BRAF: variants seen among roughly 807,000 people sequenced by gnomAD.
The protein encoded by BRAF is serine/threonine-protein kinase B-raf.
A neutral mutation model predicts 104.6 loss-of-function variants in BRAF; 16 were observed. That is an observed-to-expected ratio of 0.15 (90% CI 0.10 to 0.23). The LOEUF (loss-of-function observed/expected upper bound fraction) is 0.23. Among genes scored for constraint, BRAF ranks in the 10% least tolerant of loss-of-function variants. The pLI is 1.00. For synonymous variants in BRAF, 310 were observed against 341.6 expected, an observed-to-expected ratio of 0.91 and a Z score of 1.02; for missense variants, 541 against 937.3, an observed-to-expected ratio of 0.58 and a Z score of 5.52.
At chr7:140,866,983 A>T (rs1811035920) in intron 1 of BRAF, among the ~76,000 whole-genome samples, 1 of 152,190 alleles carries the variant, frequency 6.6e-6, no homozygotes, top group Non-Finnish European at 1.5e-5. Flanking sequence ...CCTTTGAAAA[A>T]ATAGTTTTCA....
rs1795295104 is a variant in BRAF at position 140,720,986 on chromosome 7, A to G, written c.*5508T>C. On this transcript the variant is annotated 3_prime_UTR_variant, in exon 20 of 20. Coordinates refer to ENST00000644969, the MANE Select transcript of BRAF (RefSeq NM_001374258.1). ...AGAATGAACTCGGCTGGCCGGGAGA[A>G]GCAGATGGTTTGTACAAACATTTTT... 1 of 1,064,344 alleles carries G rather than the reference A, an allele frequency of 9.4e-7. No individual in the cohort carries two copies. The highest frequency in any genetic ancestry group is 4.6e-5 in the South Asian group (1 of 21,976). The allele number at this position is 1,064,344 out of a possible 1,614,324, so 65.9% of individuals were successfully genotyped here.
chr7:140,811,935 A>G (rs1348972987), intron 3 of BRAF, among the ~76,000 whole-genome samples: 1 of 152,136 alleles, frequency 6.6e-6, no homozygotes, highest in Non-Finnish European at 1.5e-5. Context: ...ACTTAAGTGA[A>G]AGCTCACTTT....
chr7:140,909,497 TAATA>T (rs1014682357), intron 1 of BRAF, among the ~76,000 whole-genome samples: 9 of 152,286 alleles, frequency 5.9e-5, no homozygotes, highest in African/African-American at 1.9e-4. Flanking sequence ...GCTATTACTA[TAATA>T]AATAACACAC....
At chr7:140,794,058 CT>C (rs1802274184) in intron 8 of BRAF, among the ~76,000 whole-genome samples, 1 of 152,066 alleles carries the variant, frequency 6.6e-6, no homozygotes, top group African/African-American at 2.4e-5. Context: ...TTGAAGATGA[CT>C]TTTATAGAGA....
chr7:140,800,161 A>G (rs1802935144), intron 7 of BRAF: 2 of 808,518 alleles, frequency 2.5e-6, no homozygotes, highest in Non-Finnish European at 3.8e-6. Context: ...TTCAGGACTG[A>G]TTCTGAAATA....
At chr7:140,777,297 C>G (rs1800431960) in intron 13 of BRAF, among the ~76,000 whole-genome samples, 1 of 151,940 alleles carries the variant, frequency 6.6e-6, no homozygotes, top group Admixed American at 6.6e-5. Context: ...TTAAATATAT[C>G]TGACAGGCAA....
chr7:140,796,726 A>G (rs979943188), intron 7 of BRAF, among the ~76,000 whole-genome samples: 2 of 152,220 alleles, frequency 1.3e-5, no homozygotes, highest in Admixed American at 6.5e-5. Context: ...CAGGGCAAGT[A>G]CAAGGGAACA....
Position 140,882,341 on chromosome 7 carries a change from G to A in BRAF, c.139-32129C>T, listed in dbSNP as rs76503734. ...TCATCTCAAATGAGAAATAAAATGAGAAATAACTATTATTTCTTTATCAAA... is the reference window on the plus strand; with the variant it reads ...TCATCTCAAATGAGAAATAAAATGAAAAATAACTATTATTTCTTTATCAAA... On this transcript the variant is annotated intron_variant, in intron 1 of 19. Coordinates refer to ENST00000644969, the MANE Select transcript of BRAF (RefSeq NM_001374258.1). Among the ~76,000 whole-genome samples the A allele has an allele frequency of 3.3e-4, 49 of 149,222 alleles. 2 individuals carry two copies. In the East Asian group the frequency reaches 9.3e-3, roughly 28 times the overall value.
intron 14 of BRAF, among the ~76,000 whole-genome samples, chr7:140,770,252 A>T (rs1799710609): frequency 6.6e-6 from 1 of 152,160 alleles, no homozygotes; most frequent in Non-Finnish European, 1.5e-5. Context: ...AATCACTAAT[A>T]CATGTTCACC....
chr7:140,748,312 C>T (rs1236281155), intron 17 of BRAF, among the ~76,000 whole-genome samples: 2 of 151,980 alleles, frequency 1.3e-5, no homozygotes, highest in Non-Finnish European at 2.9e-5. Context: ...TTATGAAATA[C>T]CTAAAAAGCC....
intron 1 of BRAF, among the ~76,000 whole-genome samples, chr7:140,872,708 T>A (rs1423528271): frequency 6.6e-6 from 1 of 151,540 alleles, no homozygotes; most frequent in African/African-American, 2.4e-5. Flanking sequence ...TAAAAAAAAA[T>A]AAAAATTAGC....
rs370069295 is a variant in BRAF, at chr7:140,834,684, A to G, written c.429T>C (p.Asp143=). Residue 143 remains aspartate (D), a synonymous_variant, in exon 3 of 20, where the codon GAT becomes GAC. Transcript: ENST00000644969. ...SSLSVFQNPT[D]VARSNPKSPQ... is the part of the protein sequence containing the mutation. ...GTGACTTGGGGTTGCTCCGTGCCAC[A>G]TCTGTGGGATTTTGAAAAACTGAAA... 1 of 1,614,054 alleles carries G rather than the reference A, an allele frequency of 6.2e-7. No individual in the cohort carries two copies. The highest frequency in any genetic ancestry group is 8.5e-7 in the Non-Finnish European group (1 of 1,180,024).
chr7:140,742,782 G>A (rs1446761186), intron 17 of BRAF, among the ~76,000 whole-genome samples: 1 of 152,028 alleles, frequency 6.6e-6, no homozygotes, highest in African/African-American at 2.4e-5. Flanking sequence ...AGAGTGAACA[G>A]GCAACCTACA....
intron 6 of BRAF, 58 bp from the exon 7 acceptor site, chr7:140,800,539 A>C (rs1014894730): frequency 6.2e-7 from 1 of 1,612,844 alleles, no homozygotes; most frequent in Admixed American, 1.7e-5. Flanking sequence ...TTCATATACC[A>C]AAATACATAG....
chr7:140,908,953 C>T (rs1375145554), intron 1 of BRAF, among the ~76,000 whole-genome samples: 2 of 134,970 alleles, frequency 1.5e-5, no homozygotes, highest in Non-Finnish European at 3.4e-5. Context: ...GGCAGCTCCC[C>T]ACTATCTTTT....
At position 140,906,173 on chromosome 7, in the gene BRAF, A is replaced by G. The variant is rs189286146; in HGVS notation, c.138+18393T>C. Among the ~76,000 whole-genome samples, 102 of 152,030 alleles carry G rather than the reference A, an allele frequency of 6.7e-4. 1 individual carries two copies. The highest frequency in any genetic ancestry group is 1.3e-3 in the Non-Finnish European group (88 of 67,996). On this transcript the variant is annotated intron_variant, in intron 1 of 19. Coordinates refer to ENST00000644969, the MANE Select transcript of BRAF (RefSeq NM_001374258.1). ...ATACTTTCTACCTTTCTCTCTGACA[A>G]TACAAAGGTCTTAGAACCCGGCCTT...
Position 140,723,752 on chromosome 7 carries a change from C to A in BRAF, c.*2742G>T. Reference sequence around the variant, plus strand: ...TACAGAAGGCACTGCAGCCACTTTACAGACAAGACTGTTACACCCTTACAA... The same window carrying A: ...TACAGAAGGCACTGCAGCCACTTTAAAGACAAGACTGTTACACCCTTACAA... On this transcript the variant is annotated 3_prime_UTR_variant, in exon 20 of 20. Transcript: ENST00000644969. The A allele has an allele frequency of 9.5e-7, 1 of 1,048,964 alleles. No individual in the cohort carries two copies. Among genetic ancestry groups the A allele is most frequent in the Non-Finnish European group, 1.2e-6 (1 of 868,918 alleles). 65.0% of individuals were successfully genotyped at this position (1,048,964 alleles called of 1,614,324 possible).
chr7:140,808,211 T>G (rs1803854920), intron 4 of BRAF, 149 bp from the exon 5 acceptor site: 1 of 695,702 alleles, frequency 1.4e-6, no homozygotes, highest in African/African-American at 1.8e-5. Flanking sequence ...GAAATTTAAA[T>G]GGCAATAAAT....
intron 1 of BRAF, among the ~76,000 whole-genome samples, chr7:140,905,543 C>G (rs974766482): frequency 6.6e-6 from 1 of 152,038 alleles, no homozygotes; most frequent in South Asian, 2.1e-4. Context: ...CCTTATAAAC[C>G]CCATATAACT....
Sources: allele counts gnomAD v4.1 joint callset (sites outside exome capture counted in the v4.1 genomes callset), GRCh38; gene constraint gnomAD v4.1.1; transcripts MANE v1.5; gene names NCBI Gene and HGNC (gene_info 2026-07-23, HGNC 2026-07-21).